Variants in KDELR3 observed in about 807,000 individuals in gnomAD.
KDELR3 encodes the protein KDEL endoplasmic reticulum protein retention receptor 3.
Under a neutral mutation model 22.7 loss-of-function variants are expected in KDELR3, and 26 were observed. The observed-to-expected ratio is 1.15, with a 90% CI of 0.84 to 1.59. The LOEUF is 1.59. Among genes scored for constraint, KDELR3 ranks in the 40% most tolerant of loss-of-function variants. KDELR3 has a pLI of 0.00. For synonymous variants in KDELR3, 120 were observed against 98.2 expected, an observed-to-expected ratio of 1.22 and a Z score of -1.31; for missense variants, 289 against 251.1, an observed-to-expected ratio of 1.15 and a Z score of -1.02.
intron 1 of KDELR3, 81 bp from the exon 2 acceptor site, chr22:38,474,442 G>T: frequency 2.6e-6 from 3 of 1,137,174 alleles, no homozygotes; most frequent in Non-Finnish European, 4.0e-6. Flanking sequence ...GGCCTCCCCA[G>T]CTCCAGGCTG....
At chr22:38,468,966 C>T (rs564895089) in intron 1 of KDELR3, among the ~76,000 whole-genome samples, 24 of 152,338 alleles carry the variant, frequency 1.6e-4, no homozygotes, top group African/African-American at 4.8e-4. Flanking sequence ...TCCAGAGCCA[C>T]GAAAGGCTGC....
rs1158819202 is a variant in KDELR3, at chr22:38,468,913, G to T, written c.91+589G>T. On this transcript the variant is annotated intron_variant, in intron 1 of 4. Coordinates refer to ENST00000216014, the MANE Select transcript of KDELR3 (RefSeq NM_006855.4). ...TTTGCATTCTGGCTGCCCTGCTGGGGGTTTGGAGAAGCTTGGAGGCTGGAC... is the reference window on the plus strand; with the variant it reads ...TTTGCATTCTGGCTGCCCTGCTGGGTGTTTGGAGAAGCTTGGAGGCTGGAC... 5.3e-5 allele frequency among the ~76,000 whole-genome samples: 8 copies of T among 152,220 alleles called. No homozygotes were observed. In the South Asian group the frequency reaches 1.7e-3, roughly 32 times the overall value.
chr22:38,481,323 C>T lies in KDELR3; in HGVS notation c.463C>T (p.Leu155=), dbSNP rs1372008729. ...CATAACTACTCACTACCTGTTCTTTCTGGGTCTGTACCGGGCACTCTACCT... is the reference window on the plus strand; with the variant it reads ...CATAACTACTCACTACCTGTTCTTTTTGGGTCTGTACCGGGCACTCTACCT... ...ETITTHYLFF[L]GLYRALYLAN... is the part of the protein sequence containing the mutation. The change falls in exon 4 of 5, where the codon CTG becomes TTG. Residue 155 remains leucine (L), a synonymous_variant. Transcript: ENST00000216014. The T allele has an allele frequency of 6.2e-7, 1 of 1,614,168 alleles. No individual in the cohort carries two copies. Among genetic ancestry groups the T allele is most frequent in the Non-Finnish European group, 8.5e-7 (1 of 1,180,032 alleles).
Position 38,468,168 on chromosome 22 carries a change from GC to G in KDELR3, c.-63del. The G allele has an allele frequency of 2.1e-6, 3 of 1,439,620 alleles. No homozygotes were observed. In the South Asian group the frequency reaches 3.5e-5, roughly 17 times the overall value. The allele number at this position is 1,439,620 out of a possible 1,614,324, so 89.2% of individuals were successfully genotyped here. On this transcript the variant is annotated 5_prime_UTR_variant, in exon 1 of 5. Coordinates refer to ENST00000216014, the MANE Select transcript of KDELR3 (RefSeq NM_006855.4). ...GACCGGGGCCGGAGACGTGGCAGCC[GC>G]CCTGCCCGCCAGAAAGTTTCCTAGA...
chr22:38,478,629 A>ACTTTTTTTT (rs2089576691), intron 2 of KDELR3, among the ~76,000 whole-genome samples: 1 of 43,560 alleles, frequency 2.3e-5, no homozygotes, highest in East Asian at 8.2e-4. Flanking sequence ...AGCATCTGTG[A>ACTTTTTTTT]TTTTTTTTTT....
At chr22:38,475,861 T>G (rs1265179753) in intron 2 of KDELR3, among the ~76,000 whole-genome samples, 1 of 152,204 alleles carries the variant, frequency 6.6e-6, no homozygotes, top group African/African-American at 2.4e-5. Context: ...CTCACGCTCC[T>G]GACCTCAAGT....
intron 2 of KDELR3, among the ~76,000 whole-genome samples, chr22:38,479,386 G>A (rs1432020137): frequency 2.0e-5 from 3 of 152,222 alleles, no homozygotes; most frequent in Non-Finnish European, 4.4e-5. Flanking sequence ...GTCAGTCCCA[G>A]TATAGAAGCA....
chr22:38,480,760 T>A (rs2089594017), intron 3 of KDELR3, among the ~76,000 whole-genome samples: 1 of 150,468 alleles, frequency 6.6e-6, no homozygotes, highest in South Asian at 2.1e-4. Context: ...CTCAAAAAAA[T>A]AAATAAAAAA....
chr22:38,475,540 C>T (rs1241602448), intron 2 of KDELR3, among the ~76,000 whole-genome samples: 1 of 152,166 alleles, frequency 6.6e-6, no homozygotes, highest in African/African-American at 2.4e-5. Flanking sequence ...GGAGTGTGGT[C>T]AGGGCATCTT....
rs1416055481 is a variant in KDELR3 at position 38,479,663 on chromosome 22, G to GT, written c.264dup (p.Glu89Ter). 1 of 1,614,028 alleles carries GT rather than the reference G, an allele frequency of 6.2e-7. No homozygotes were observed. Among genetic ancestry groups the GT allele is most frequent in the South Asian group, 1.1e-5 (1 of 91,082 alleles). Reference sequence around the variant, plus strand: ...GGGAAATTCCGTAAAACTTTTGACAGTGAGAATGACACATTCCGCCTGGAG... The same window carrying GT: ...GGGAAATTCCGTAAAACTTTTGACAGTTGAGAATGACACATTCCGCCTGGAG... On this transcript the variant is annotated frameshift_variant, in exon 3 of 5. Transcript: ENST00000216014. LOFTEE classifies it high-confidence loss of function.
chr22:38,475,677 A>G (rs1031542947), intron 2 of KDELR3, among the ~76,000 whole-genome samples: 3 of 151,844 alleles, frequency 2.0e-5, no homozygotes, highest in Admixed American at 6.6e-5. Context: ...CCCAGGCTGG[A>G]GTGCAGCAGC....
rs536472255 is a variant in KDELR3 at position 38,468,884 on chromosome 22, C to T, written c.91+560C>T. Among the ~76,000 whole-genome samples the T allele has an allele frequency of 1.4e-4, 21 of 152,312 alleles. No individual in the cohort carries two copies. The South Asian group carries it at 3.1e-3, about 23-fold the overall frequency. On this transcript the variant is annotated intron_variant, in intron 1 of 4. Transcript: ENST00000216014. ...AAGCCGGGGAAGGCTGGAGGGGTCC[C>T]CTGTTTGCATTCTGGCTGCCCTGCT...
intron 2 of KDELR3, among the ~76,000 whole-genome samples, chr22:38,478,019 T>A (rs949313476): frequency 1.4e-4 from 21 of 152,074 alleles, no homozygotes; most frequent in African/African-American, 4.8e-4. Flanking sequence ...TGCCACGGAG[T>A]CCTCTCTTAG....
intron 2 of KDELR3, among the ~76,000 whole-genome samples, chr22:38,477,178 G>A (rs2089565849): frequency 6.7e-6 from 1 of 149,022 alleles, no homozygotes; most frequent in Admixed American, 6.8e-5. Flanking sequence ...CTCCCAAAGT[G>A]TTGGGATTAC....
intron 1 of KDELR3, chr22:38,474,319 T>C: frequency 1.9e-6 from 1 of 525,216 alleles, no homozygotes; most frequent in Non-Finnish European, 3.4e-6. Context: ...GATTACAGTT[T>C]AATGAGAGGA....
intron 4 of KDELR3, 126 bp downstream of exon 4, chr22:38,481,590 TG>T (rs1569134043): frequency 3.9e-6 from 6 of 1,528,800 alleles, no homozygotes; most frequent in Admixed American, 4.2e-5. Context: ...TGTGTTCTAA[TG>T]CAAGAAGACA....
rs1034763906 is a variant in KDELR3 at position 38,481,430 on chromosome 22, C to G, written c.570C>G (p.Phe190Leu). 6.2e-7 allele frequency: 1 copy of G among 1,614,176 alleles called. No homozygotes were observed. Among genetic ancestry groups the G allele is most frequent in the African/African-American group, 1.3e-5 (1 of 75,026 alleles). Residue 190 changes from phenylalanine (F) to leucine (L), a missense_variant, in exon 4 of 5, where the codon TTC becomes TTG. Phe to Leu is a conservative substitution (Grantham distance 22). Coordinates refer to ENST00000216014, the MANE Select transcript of KDELR3 (RefSeq NM_006855.4). ...TGTCTGGAGTAGTACAAACCATCTT[C>G]TACTGTGACTTCTTCTACTTGTATG... ...AVVSGVVQTI[F>L]YCDFFYLYVT...
At position 38,468,200 on chromosome 22, in the gene KDELR3, G is replaced by A. The variant is rs2089498650; in HGVS notation, c.-34G>A. On this transcript the variant is annotated 5_prime_UTR_variant, in exon 1 of 5. Coordinates refer to ENST00000216014, the MANE Select transcript of KDELR3 (RefSeq NM_006855.4). Reference sequence around the variant, plus strand: ...CCGCCAGAAAGTTTCCTAGAAGTTTGCTGGGCGCGGGCGCACGACTGACTG... The same window carrying A: ...CCGCCAGAAAGTTTCCTAGAAGTTTACTGGGCGCGGGCGCACGACTGACTG... The A allele has an allele frequency of 1.9e-6, 3 of 1,603,296 alleles. No individual in the cohort carries two copies. Among genetic ancestry groups the A allele is most frequent in the Non-Finnish European group, 2.6e-6 (3 of 1,170,836 alleles).
intron 3 of KDELR3, among the ~76,000 whole-genome samples, chr22:38,480,506 T>C (rs909388265): frequency 6.6e-6 from 1 of 151,956 alleles, no homozygotes; most frequent in Non-Finnish European, 1.5e-5. Flanking sequence ...TTTAAGTTAT[T>C]TTTGGCCGGG....
Sources: gnomAD v4.1 joint callset for allele counts (sites outside exome capture counted in the v4.1 genomes callset) on GRCh38, gnomAD v4.1.1 for gene constraint, MANE v1.5 for transcripts, NCBI Gene and HGNC (gene_info 2026-07-23, HGNC 2026-07-21) for gene names.